TRIQK: variants seen among roughly 807,000 people sequenced by gnomAD.
The protein encoded by TRIQK is triple QxxK/R motif containing.
A neutral mutation model predicts 10.8 loss-of-function variants in TRIQK; 10 were observed. The ratio of observed to expected loss-of-function variants is 0.92; its 90% CI spans 0.57 to 1.57. The LOEUF is 1.57. Among genes scored for constraint, TRIQK ranks in the 40% most tolerant of loss-of-function variants. The pLI, the probability that TRIQK is intolerant of heterozygous loss-of-function variation, is 0.00. For missense variants in TRIQK, 107 were observed against 97.7 expected, an observed-to-expected ratio of 1.09 and a Z score of -0.40; for synonymous variants, 33 against 33.7, an observed-to-expected ratio of 0.98 and a Z score of 0.07.
intron 1 of TRIQK, among the ~76,000 whole-genome samples, chr8:93,002,745 C>A (rs1813226498): frequency 6.6e-6 from 1 of 151,936 alleles, no homozygotes; most frequent in African/African-American, 2.4e-5. Context: ...CATGGCGAAA[C>A]CCCATCTCTA....
chr8:92,932,396 A>G (rs1810776318), intron 2 of TRIQK, among the ~76,000 whole-genome samples: 1 of 152,120 alleles, frequency 6.6e-6, no homozygotes, highest in South Asian at 2.1e-4. Flanking sequence ...GTTTGTTTTA[A>G]CTAAACTGAC....
intron 3 of TRIQK, among the ~76,000 whole-genome samples, chr8:92,913,062 A>C (rs1487894658): frequency 6.6e-6 from 1 of 152,194 alleles, no homozygotes; most frequent in African/African-American, 2.4e-5. Flanking sequence ...CCTCAAGAAA[A>C]TATTAGCAAA....
At chr8:92,964,876 GT>G (rs1812655157) in intron 1 of TRIQK, 1 of 152,160 alleles carries the variant, frequency 6.6e-6, no homozygotes, top group South Asian at 2.1e-4. Context: ...AACCATGCCA[GT>G]TTCCTGACTT....
intron 3 of TRIQK, among the ~76,000 whole-genome samples, chr8:92,915,566 C>T (rs1394693976): frequency 6.6e-6 from 1 of 151,858 alleles, no homozygotes; most frequent in Non-Finnish European, 1.5e-5. Flanking sequence ...TCACTGCAAG[C>T]TCTGCCTCCC....
chr8:92,957,347 C>T (rs546318890), intron 1 of TRIQK, among the ~76,000 whole-genome samples: 16 of 151,092 alleles, frequency 1.1e-4, no homozygotes, highest in Middle Eastern at 6.9e-3. Flanking sequence ...CATACACATA[C>T]AGATACACAT....
At chr8:92,960,562 T>G (rs1473672567) in intron 1 of TRIQK, 1 of 152,186 alleles carries the variant, frequency 6.6e-6, no homozygotes. Context: ...ATGGACAGAT[T>G]GTCCTGAATT....
chr8:92,913,930 G>A (rs527777822), intron 3 of TRIQK, among the ~76,000 whole-genome samples: 28 of 152,158 alleles, frequency 1.8e-4, no homozygotes, highest in East Asian at 3.9e-4. Flanking sequence ...GAGAACATAC[G>A]AGCACAGGGA....
intron 1 of TRIQK, chr8:92,972,949 G>T (rs1438660448): frequency 3.9e-5 from 6 of 152,168 alleles, no homozygotes; most frequent in African/African-American, 1.4e-4. Context: ...TGAAGCGTGT[G>T]CATGAGCAGA....
intron 1 of TRIQK, among the ~76,000 whole-genome samples, chr8:92,982,289 A>G (rs1304705504): frequency 6.6e-6 from 1 of 152,022 alleles, no homozygotes; most frequent in Admixed American, 6.6e-5. Flanking sequence ...TCAGTTAAAG[A>G]AGAGAAAACT....
At chr8:92,942,960 T>A (rs1226759972) in intron 2 of TRIQK, among the ~76,000 whole-genome samples, 1 of 151,960 alleles carries the variant, frequency 6.6e-6, no homozygotes, top group Admixed American at 6.6e-5. Flanking sequence ...TCCAAAGTGC[T>A]AGGATTACAA....
At chr8:92,966,980 C>A (rs868846151), upstream of TRIQK, among the ~76,000 whole-genome samples, 213 of 68,830 alleles carry the variant, frequency 3.1e-3, no homozygotes, top group Middle Eastern at 0.013. Flanking sequence ...AAGTAGCATA[C>A]AAAAAAAAAA....
At chr8:92,932,325 T>A (rs1810770209) in intron 2 of TRIQK, among the ~76,000 whole-genome samples, 1 of 152,150 alleles carries the variant, frequency 6.6e-6, no homozygotes, top group South Asian at 2.1e-4. Flanking sequence ...CAAAGCATAA[T>A]CAATGTGAAT....
Position 92,981,913 on chromosome 8 carries a change from TAGAA to T in TRIQK, c.-180-27353_-180-27350del, listed in dbSNP as rs1346960342. Among the ~76,000 whole-genome samples, 10 of 151,900 alleles carry T rather than the reference TAGAA, an allele frequency of 6.6e-5. No individual in the cohort carries two copies. The East Asian group carries it at 1.7e-3, about 26-fold the overall frequency. On this transcript the variant is annotated intron_variant, in intron 1 of 4. Coordinates refer to the TRIQK transcript ENST00000520686. ...AACTATCAACTCCAGGAAATTGAAA[TAGAA>T]AGAGAGGGTGGAGCATTTACCTAGT...
intron 3 of TRIQK, among the ~76,000 whole-genome samples, chr8:92,901,599 C>A (rs1287916874): frequency 2.0e-5 from 3 of 152,136 alleles, no homozygotes; most frequent in Admixed American, 6.5e-5. Flanking sequence ...ATAAATCCCA[C>A]TTGCTCATGA....
chr8:93,006,634 A>C (rs1233901101), intron 1 of TRIQK, among the ~76,000 whole-genome samples: 1 of 152,164 alleles, frequency 6.6e-6, no homozygotes, highest in Admixed American at 6.5e-5. Context: ...AGCAGCCATC[A>C]CTGCAGCTCC....
chr8:92,988,641 A>G (rs983564242), intron 1 of TRIQK, among the ~76,000 whole-genome samples: 1 of 152,160 alleles, frequency 6.6e-6, no homozygotes, highest in South Asian at 2.1e-4. Flanking sequence ...CTTGCATAAC[A>G]TTTTTACTTA....
intron 1 of TRIQK, among the ~76,000 whole-genome samples, chr8:93,004,411 G>C (rs946773494): frequency 6.6e-6 from 1 of 152,212 alleles, no homozygotes; most frequent in Non-Finnish European, 1.5e-5. Flanking sequence ...CTTGGCCCAC[G>C]AAACAATGTT....
At chr8:93,007,472 TC>T (rs900026643) in intron 1 of TRIQK, among the ~76,000 whole-genome samples, 6 of 152,116 alleles carry the variant, frequency 3.9e-5, no homozygotes, top group Non-Finnish European at 7.4e-5. Flanking sequence ...GAGTGCCTCT[TC>T]TCCAAATGAT....
chr8:92,991,640 G>A (rs1347657518), intron 1 of TRIQK, among the ~76,000 whole-genome samples: 1 of 152,102 alleles, frequency 6.6e-6, no homozygotes. Context: ...CATAGTATTG[G>A]AAGTTCCGGC....
Sources: gnomAD v4.1 joint callset for allele counts (sites outside exome capture counted in the v4.1 genomes callset) on GRCh38, gnomAD v4.1.1 for gene constraint, MANE v1.5 for transcripts, NCBI Gene and HGNC (gene_info 2026-07-23, HGNC 2026-07-21) for gene names.